The following HTT variants were observed in gnomAD, a reference collection of about 807,000 sequenced individuals.
The protein encoded by HTT is huntingtin.
A neutral mutation model predicts 362.3 loss-of-function variants in HTT; 104 were observed. The observed-to-expected ratio is 0.29, with a 90% CI of 0.24 to 0.34. HTT has a LOEUF of 0.34. Among genes scored for constraint, HTT ranks in the 10% least tolerant of loss-of-function variants. The pLI, the probability that HTT is intolerant of heterozygous loss-of-function variation, is 1.00. For missense variants in HTT, 3,301 were observed against 3,928.6 expected (o/e 0.84, Z 4.27); for synonymous variants, 1,577 against 1,548.7 (o/e 1.02, Z -0.43).
intron 6 of HTT, among the ~76,000 whole-genome samples, chr4:3,114,132 G>T (rs1204054612): frequency 6.6e-6 from 1 of 152,214 alleles, no homozygotes; most frequent in Non-Finnish European, 1.5e-5. Flanking sequence ...GGGATGGGCC[G>T]AATTAAAAGA....
Position 3,233,592 on chromosome 4 carries a change from C to T in HTT, c.8456+239C>T, listed in dbSNP as rs141677683. ...TCGCCTCTGCTGCTGTCTCATGTGGCGCTTAGCACACTCTCCCACGTGCCC... is the reference window on the plus strand; with the variant it reads ...TCGCCTCTGCTGCTGTCTCATGTGGTGCTTAGCACACTCTCCCACGTGCCC... On this transcript the variant is annotated intron_variant, in intron 61 of 66. Transcript: ENST00000355072. Among the ~76,000 whole-genome samples, 89 of 152,330 alleles carry T rather than the reference C, an allele frequency of 5.8e-4. No individual in the cohort carries two copies. In the East Asian group the frequency reaches 0.017, roughly 28 times the overall value.
At chr4:3,179,673 A>AG (rs1473544429) in intron 35 of HTT, among the ~76,000 whole-genome samples, 1 of 141,900 alleles carries the variant, frequency 7.0e-6, no homozygotes, top group East Asian at 2.1e-4. Flanking sequence ...CATGTCACTG[A>AG]GGGGTCAGAG....
intron 1 of HTT, among the ~76,000 whole-genome samples, chr4:3,078,395 G>A (rs777362654): frequency 1.2e-4 from 19 of 152,184 alleles, no homozygotes; most frequent in Non-Finnish European, 2.1e-4. Flanking sequence ...ACGTTAATAC[G>A]TGGAGGAACT....
chr4:3,075,648 A>AGGG (rs368641776), intron 1 of HTT, among the ~76,000 whole-genome samples: 3 of 54,398 alleles, frequency 5.5e-5, no homozygotes, highest in African/African-American at 6.0e-5. Flanking sequence ...GTGGCGGGGC[A>AGGG]GGGGGGGGGC....
At chr4:3,219,289 ACC>A (rs961581434) in intron 52 of HTT, among the ~76,000 whole-genome samples, 39 of 152,136 alleles carry the variant, frequency 2.6e-4, no homozygotes, top group African/African-American at 8.2e-4. Flanking sequence ...GCTCGTGGAG[ACC>A]ATGCAGGAGG....
intron 2 of HTT, among the ~76,000 whole-genome samples, chr4:3,087,423 C>A (rs1713264655): frequency 6.6e-6 from 1 of 152,188 alleles, no homozygotes; most frequent in Non-Finnish European, 1.5e-5. Context: ...CCTATTGTAC[C>A]TCTGCTCCTA....
chr4:3,081,848 A>C (rs1712927827), intron 1 of HTT, among the ~76,000 whole-genome samples: 1 of 150,920 alleles, frequency 6.6e-6, no homozygotes, highest in Non-Finnish European at 1.5e-5. Flanking sequence ...GTGAGCCACC[A>C]CACCCTGCTG....
In HTT at chr4:3,238,860, C is replaced by T. The variant is rs745742415; in HGVS notation, c.9097C>T (p.Arg3033Trp). Residue 3033 changes from arginine (R) to tryptophan (W), a missense_variant, in exon 66 of 67, where the codon CGG becomes TGG. This residue lies in a region of HTT where 753 missense variants were observed against 1,021.3 expected (regional missense o/e 0.74). Coordinates refer to ENST00000355072, the MANE Select transcript of HTT (RefSeq NM_001388492.1). ...LHSTGQSSMV[R>W]DWVMLSLSNF... is the part of the protein sequence containing the mutation. ...CAGCACCGGGCAGTCGTCCATGGTCCGGGACTGGGTCATGCTGTCCCTCTC... is the reference window on the plus strand; with the variant it reads ...CAGCACCGGGCAGTCGTCCATGGTCTGGGACTGGGTCATGCTGTCCCTCTC... The T allele has an allele frequency of 4.3e-6, 7 of 1,612,634 alleles. No individual in the cohort carries two copies. Among genetic ancestry groups the T allele is most frequent in the African/African-American group, 1.3e-5 (1 of 74,876 alleles).
intron 12 of HTT, 55 bp from the exon 13 acceptor site, chr4:3,129,869 T>A: frequency 6.2e-7 from 1 of 1,611,616 alleles, no homozygotes; most frequent in African/African-American, 1.3e-5. Context: ...GTTGGAGGGC[T>A]TGTCTCTTGG....
intron 29 of HTT, among the ~76,000 whole-genome samples, chr4:3,167,534 A>G (rs1419079699): frequency 6.6e-6 from 1 of 152,196 alleles, no homozygotes; most frequent in Non-Finnish European, 1.5e-5. Flanking sequence ...TCTAACTGGG[A>G]TTCTTTAAAT....
intron 1 of HTT, among the ~76,000 whole-genome samples, chr4:3,078,302 C>G (rs781165856): frequency 1.3e-4 from 20 of 152,212 alleles, no homozygotes; most frequent in Non-Finnish European, 2.5e-4. Context: ...CAGCAGTGAG[C>G]AGACAAAGCT....
intron 1 of HTT, among the ~76,000 whole-genome samples, chr4:3,085,962 A>G (rs1467933615): frequency 1.3e-5 from 2 of 152,086 alleles, no homozygotes; most frequent in African/African-American, 2.4e-5. Flanking sequence ...ATTCCCAGCT[A>G]TTTGGGGACA....
At chr4:3,129,824 G>T in intron 12 of HTT, 100 bp from the exon 13 acceptor site, 2 of 1,370,120 alleles carry the variant, frequency 1.5e-6, no homozygotes, top group East Asian at 4.6e-5. Context: ...TGTGTTCTGT[G>T]TGTAAAATGT....
intron 2 of HTT, among the ~76,000 whole-genome samples, chr4:3,091,329 T>C (rs1560543022): frequency 6.6e-6 from 1 of 152,296 alleles, no homozygotes; most frequent in East Asian, 1.9e-4. Context: ...ATTATATCTC[T>C]ACCTCATATT....
intron 1 of HTT, 83 bp from the exon 2 acceptor site, chr4:3,086,856 C>T (rs1713234750): frequency 4.1e-6 from 3 of 728,596 alleles, no homozygotes; most frequent in African/African-American, 1.8e-5. Context: ...GAGAAACACT[C>T]ACTGAATGAA....
At chr4:3,184,203 G>A (rs1328637057) in intron 37 of HTT, among the ~76,000 whole-genome samples, 1 of 152,052 alleles carries the variant, frequency 6.6e-6, no homozygotes, top group African/African-American at 2.4e-5. Flanking sequence ...AAAGATACAA[G>A]CCTAGGAGAT....
intron 40 of HTT, among the ~76,000 whole-genome samples, chr4:3,198,503 G>A (rs1285479798): frequency 1.3e-5 from 2 of 152,160 alleles, no homozygotes; most frequent in African/African-American, 2.4e-5. Flanking sequence ...GTGATTATAG[G>A]CGTGAGCCAC....
chr4:3,158,125 C>T (rs1036298667), intron 28 of HTT, among the ~76,000 whole-genome samples: 4 of 151,872 alleles, frequency 2.6e-5, no homozygotes, highest in Admixed American at 6.6e-5. Context: ...CTGGGACTAC[C>T]GGCATGTGCC....
At position 3,132,577 on chromosome 4, in the gene HTT, C is replaced by T. The variant is rs1715875728; in HGVS notation, c.2252C>T (p.Ser751Leu). The T allele has an allele frequency of 6.2e-7, 1 of 1,613,960 alleles. No homozygotes were observed. Among genetic ancestry groups the T allele is most frequent in the South Asian group, 1.1e-5 (1 of 91,068 alleles). ...TTEYPEEQYV[S>L]DILNYIDHGD... The stretch of plus-strand genomic sequence containing the variant: ...ATCTCCACAGAGGAACAGTATGTCT[C>T]AGACATCTTGAACTACATCGATCAT... The change falls in exon 17 of 67, where the codon TCA becomes TTA. Residue 751 changes from serine to leucine, a missense_variant. Physicochemically the swap from Ser to Leu is moderately radical, Grantham distance 145 (BLOSUM62 -2). Around this residue, in one of 4 missense-constraint regions of HTT, gnomAD observed 2,316 missense variants for 2,658.5 expected, o/e 0.87. Coordinates refer to ENST00000355072, the MANE Select transcript of HTT (RefSeq NM_001388492.1).
Sources: gnomAD v4.1 joint callset for allele counts (sites outside exome capture counted in the v4.1 genomes callset) on GRCh38, gnomAD v4.1.1 for gene constraint, gnomAD v4.1.1 regional missense constraint, MANE v1.5 for transcripts, NCBI Gene and HGNC (gene_info 2026-07-23, HGNC 2026-07-21) for gene names.